The following ZFYVE28 variants were observed in gnomAD, a reference collection of about 807,000 sequenced individuals.
ZFYVE28 encodes zinc finger FYVE-type containing 28.
ZFYVE28 carries 40 observed loss-of-function variants against 82.1 expected under a neutral mutation model. That is an observed-to-expected ratio of 0.49 (90% CI 0.38 to 0.63). The LOEUF (loss-of-function observed/expected upper bound fraction) is 0.63, where lower values mean the gene tolerates loss of function less well. ZFYVE28 is among the 30% of genes least tolerant of loss of function. The probability of loss-of-function intolerance (pLI) is 0.00; values close to 1 mark genes in which losing one functional copy is unlikely to be tolerated. For missense variants in ZFYVE28, 1,321 were observed against 1,242.1 expected (o/e 1.06, Z -0.96); for synonymous variants, 612 against 546.1 (o/e 1.12, Z -1.68).
intron 2 of ZFYVE28, among the ~76,000 whole-genome samples, chr4:2,350,069 G>A (rs1209901049): frequency 2.3e-5 from 3 of 129,740 alleles, no homozygotes; most frequent in East Asian, 6.1e-4. Flanking sequence ...ACACACACTC[G>A]GCATCCAGAG....
chr4:2,389,958 C>T (rs141769420), intron 1 of ZFYVE28, among the ~76,000 whole-genome samples: 49 of 152,338 alleles, frequency 3.2e-4, no homozygotes, highest in African/African-American at 1.1e-3. Context: ...CCCTTCCTCC[C>T]GCCCACCAGA....
chr4:2,320,298 T>C lies in ZFYVE28; in HGVS notation c.702-27A>G. ...TGCATTTGAGACACAAAAGCCAGGA[T>C]GTCAGGCCCTGTGGCCCCCTGGGTG... On this transcript the variant is annotated intron_variant, in intron 6 of 12. Coordinates refer to ENST00000290974, the MANE Select transcript of ZFYVE28 (RefSeq NM_020972.3). This position sits in a 1 kb window ranked among gnomAD's most constrained non-coding sequence, Gnocchi z 5.1. 6.2e-7 allele frequency: 1 copy of C among 1,602,168 alleles called. No homozygotes were observed. Among genetic ancestry groups the C allele is most frequent in the Non-Finnish European group, 8.5e-7 (1 of 1,172,328 alleles).
intron 8 of ZFYVE28, among the ~76,000 whole-genome samples, chr4:2,282,834 C>T (rs779963204): frequency 1.6e-4 from 25 of 152,056 alleles, no homozygotes; most frequent in Non-Finnish European, 3.1e-4. Flanking sequence ...GTCCCAGCTA[C>T]GGGGAGGCTG....
rs780016186 is a variant in ZFYVE28, at chr4:2,304,916, C to T, written c.1424G>A (p.Gly475Asp). The change falls in exon 8 of 13, where the codon GGC becomes GAC. Residue 475 changes from glycine (G) to aspartate (D), a missense_variant. Gly to Asp is a moderately conservative substitution (Grantham distance 94, BLOSUM62 -1). Around this residue, in one of 2 missense-constraint regions of ZFYVE28, gnomAD observed 978 missense variants for 833.7 expected, o/e 1.17. Transcript: ENST00000290974. ...GTCCAGGCAGCTGCAGGAGCTGGTGCCCGCGAGGCTGGCCCCATCTGTGCC... is the reference window on the plus strand; with the variant it reads ...GTCCAGGCAGCTGCAGGAGCTGGTGTCCGCGAGGCTGGCCCCATCTGTGCC... ...AEGTDGASLAGTSSCSCLDSR... is the reference protein window; with the variant it reads ...AEGTDGASLADTSSCSCLDSR... 2 of 1,612,712 alleles carry T rather than the reference C, an allele frequency of 1.2e-6. No homozygotes were observed. Among genetic ancestry groups the T allele is most frequent in the Admixed American group, 3.3e-5 (2 of 60,028 alleles).
intron 10 of ZFYVE28, 127 bp from the exon 11 acceptor site, chr4:2,271,906 T>G (rs543905153): frequency 1.2e-6 from 1 of 813,186 alleles, no homozygotes; most frequent in East Asian, 2.6e-5. Context: ...CCACTGGCAG[T>G]CTCATGGCAG....
At chr4:2,352,394 A>T (rs1403819778) in intron 2 of ZFYVE28, among the ~76,000 whole-genome samples, 1 of 151,578 alleles carries the variant, frequency 6.6e-6, no homozygotes. Flanking sequence ...TGGGGGAGGA[A>T]GGGGAGATAG....
intron 8 of ZFYVE28, among the ~76,000 whole-genome samples, chr4:2,275,590 C>T (rs980305768): frequency 1.3e-5 from 2 of 152,210 alleles, no homozygotes; most frequent in Admixed American, 6.5e-5. Flanking sequence ...TTTATTTGGC[C>T]GTGTCTCATG....
rs1733019747 is a variant in ZFYVE28, at chr4:2,416,218, T to C, written c.39+2067A>G. 6.6e-6 allele frequency among the ~76,000 whole-genome samples: 1 copy of C among 152,364 alleles called. No individual in the cohort carries two copies. The highest frequency in any genetic ancestry group is 2.4e-5 in the African/African-American group (1 of 41,582). ...CAACGTCTAGTACCATGTTCTACCT[T>C]TAACCTGTCTTCCCTAAACGGAAAC... On this transcript the variant is annotated intron_variant, in intron 1 of 12. Transcript: ENST00000290974. The surrounding 1 kb of genome is among the most constrained non-coding windows in gnomAD (Gnocchi z 4.6).
intron 8 of ZFYVE28, among the ~76,000 whole-genome samples, chr4:2,278,046 C>T (rs902674459): frequency 1.3e-5 from 2 of 152,248 alleles, no homozygotes; most frequent in South Asian, 4.2e-4. Context: ...GGATTCTCAG[C>T]AAGGGTGCCA....
At chr4:2,303,789 G>C (rs28612557) in intron 8 of ZFYVE28, among the ~76,000 whole-genome samples, 1 of 152,146 alleles carries the variant, frequency 6.6e-6, no homozygotes, top group South Asian at 2.1e-4. Context: ...CCCAGTCTCC[G>C]CGCCCACGGC....
intron 1 of ZFYVE28, among the ~76,000 whole-genome samples, chr4:2,388,984 C>T (rs1481882455): frequency 6.6e-6 from 1 of 152,162 alleles, no homozygotes; most frequent in Admixed American, 6.5e-5. Flanking sequence ...TGAATGCCCC[C>T]ACTGCCAGTA....
At chr4:2,278,454 C>T (rs1331439143) in intron 8 of ZFYVE28, among the ~76,000 whole-genome samples, 4 of 152,084 alleles carry the variant, frequency 2.6e-5, no homozygotes, top group Admixed American at 1.3e-4. Context: ...TCCCAAAGTG[C>T]TGGGATTACA....
chr4:2,391,533 C>T lies in ZFYVE28; in HGVS notation c.39+26752G>A, dbSNP rs551556118. ...GCCATTTTCACCCTTTTTAAGTCTA[C>T]AGCTCAGTGGCATAAGCACATTCAC... On this transcript the variant is annotated intron_variant, in intron 1 of 12. Coordinates refer to ENST00000290974, the MANE Select transcript of ZFYVE28 (RefSeq NM_020972.3). Among the ~76,000 whole-genome samples, 38 of 141,608 alleles carry T rather than the reference C, an allele frequency of 2.7e-4. No individual in the cohort carries two copies. In the South Asian group the frequency reaches 7.7e-3, roughly 29 times the overall value. The allele number at this position is 141,608 out of a possible 152,430, so 92.9% of individuals were successfully genotyped here. A position where few individuals can be genotyped will look rare whatever the true frequency, so the allele number is the denominator to read the frequency against.
intron 1 of ZFYVE28, among the ~76,000 whole-genome samples, chr4:2,403,380 C>G (rs528245441): frequency 8.5e-5 from 13 of 152,388 alleles, no homozygotes; most frequent in South Asian, 6.2e-4. Context: ...GTCACACACA[C>G]GAGTGTCAAC....
chr4:2,363,711 C>CAT (rs1726474153), intron 1 of ZFYVE28, among the ~76,000 whole-genome samples: 2 of 152,238 alleles, frequency 1.3e-5, no homozygotes, highest in African/African-American at 4.8e-5. Flanking sequence ...GGATGCAGTG[C>CAT]CCACAGGCAG....
intron 6 of ZFYVE28, chr4:2,330,770 T>C (rs1720553898): frequency 1.3e-6 from 2 of 1,510,504 alleles, no homozygotes; most frequent in East Asian, 5.0e-5. Flanking sequence ...AGTGTGGCAG[T>C]AGGGATAGGA....
At chr4:2,293,525 A>G (rs550844994) in intron 8 of ZFYVE28, among the ~76,000 whole-genome samples, 2 of 152,110 alleles carry the variant, frequency 1.3e-5, no homozygotes, top group Admixed American at 6.6e-5. Flanking sequence ...AGGCCGAGGC[A>G]GGTGGATCAC....
At chr4:2,293,138 G>A (rs1171452858) in intron 8 of ZFYVE28, among the ~76,000 whole-genome samples, 1 of 151,652 alleles carries the variant, frequency 6.6e-6, no homozygotes, top group Admixed American at 6.6e-5. Context: ...AGGAATAGGA[G>A]AGAACTCCTT....
At chr4:2,371,571 C>T (rs941743075) in intron 1 of ZFYVE28, among the ~76,000 whole-genome samples, 4 of 152,054 alleles carry the variant, frequency 2.6e-5, no homozygotes, top group African/African-American at 7.3e-5. Context: ...AAAAGCCAAA[C>T]GGGTATTCAC....
Sources: allele counts gnomAD v4.1 joint callset (sites outside exome capture counted in the v4.1 genomes callset), GRCh38; gene constraint gnomAD v4.1.1; regional missense constraint gnomAD v4.1.1; non-coding constraint Gnocchi (gnomAD v3.1); transcripts MANE v1.5; gene names NCBI Gene and HGNC (gene_info 2026-07-23, HGNC 2026-07-21).